The following EIF2AK4 variants were observed in gnomAD, a reference collection of about 807,000 sequenced individuals.
The protein encoded by EIF2AK4 is eukaryotic translation initiation factor 2 alpha kinase 4.
A neutral mutation model predicts 211.1 loss-of-function variants in EIF2AK4; 139 were observed. The ratio of observed to expected loss-of-function variants is 0.66; its 90% CI spans 0.57 to 0.76. The LOEUF (loss-of-function observed/expected upper bound fraction) is 0.76. Ranked by LOEUF, EIF2AK4 falls within the 30% of genes least tolerant of loss-of-function variation. The probability of loss-of-function intolerance (pLI) is 0.00; values close to 1 mark genes in which losing one functional copy is unlikely to be tolerated. For synonymous variants in EIF2AK4, 710 were observed against 751.3 expected, an observed-to-expected ratio of 0.94 and a Z score of 0.90; for missense variants, 1,664 against 2,043.8, an observed-to-expected ratio of 0.81 and a Z score of 3.58.
chr15:40,026,674 A>T (rs1028219946), intron 33 of EIF2AK4, among the ~76,000 whole-genome samples: 4 of 152,150 alleles, frequency 2.6e-5, no homozygotes, highest in African/African-American at 7.2e-5. Flanking sequence ...AGGAGCCAAA[A>T]TCTATCTGTC....
At chr15:39,999,148 T>G (rs186250485) in intron 20 of EIF2AK4, among the ~76,000 whole-genome samples, 39 of 152,262 alleles carry the variant, frequency 2.6e-4, no homozygotes, top group Non-Finnish European at 5.3e-4. Flanking sequence ...AAACTGTAAT[T>G]TTGTTCTGTT....
chr15:40,022,181 C>CGTGTGTGTGTGT (rs142104639), intron 31 of EIF2AK4: 21,514 of 137,446 alleles, frequency 0.16, 2,016 homozygotes, highest in East Asian at 0.23. Context: ...GCTTTTTCAG[C>CGTGTGTGTGTGT]GTGTGTGTGT....
chr15:39,958,397 C>T (rs1228617076), intron 6 of EIF2AK4, among the ~76,000 whole-genome samples: 2 of 152,084 alleles, frequency 1.3e-5, no homozygotes, highest in Non-Finnish European at 2.9e-5. Context: ...TTTGTTTTCC[C>T]TATTCTAAAG....
chr15:39,968,789 T>C (rs567093936), intron 9 of EIF2AK4, among the ~76,000 whole-genome samples: 1 of 152,156 alleles, frequency 6.6e-6, no homozygotes, highest in Non-Finnish European at 1.5e-5. Context: ...TACATTGTTA[T>C]GCTCTGTCAC....
intron 27 of EIF2AK4, 88 bp downstream of exon 27, chr15:40,011,434 A>G (rs1203899327): frequency 4.3e-6 from 5 of 1,162,302 alleles, no homozygotes; most frequent in Middle Eastern, 4.5e-4. Context: ...GCAGTAGGGT[A>G]GCAGCCAGCG....
chr15:39,945,769 G>T (rs1020109391), intron 3 of EIF2AK4, among the ~76,000 whole-genome samples: 2 of 152,160 alleles, frequency 1.3e-5, no homozygotes, highest in African/African-American at 2.4e-5. Flanking sequence ...TAATACAGCT[G>T]CTGACTTTTC....
At chr15:39,958,412 G>A (rs1450408662) in intron 6 of EIF2AK4, among the ~76,000 whole-genome samples, 1 of 152,134 alleles carries the variant, frequency 6.6e-6, no homozygotes, top group Non-Finnish European at 1.5e-5. Context: ...CTAAAGCCAG[G>A]TATGGTAACT....
At chr15:40,034,947 A>T in intron 38 of EIF2AK4, 80 bp from the exon 39 acceptor site, 2 of 1,107,234 alleles carry the variant, frequency 1.8e-6, no homozygotes, top group South Asian at 3.3e-5. Context: ...AAGCTCCTAC[A>T]GGTGTTATAA....
chr15:39,959,912 C>T (rs1344481588), intron 6 of EIF2AK4, among the ~76,000 whole-genome samples: 2 of 152,138 alleles, frequency 1.3e-5, no homozygotes, highest in East Asian at 3.9e-4. Context: ...GCCTGTAATC[C>T]CAGCACTTTG....
intron 13 of EIF2AK4, 140 bp from the exon 14 acceptor site, chr15:39,985,665 G>A (rs993159024): frequency 3.0e-6 from 2 of 676,734 alleles, no homozygotes; most frequent in Admixed American, 4.7e-5. Context: ...AAGGATAGTG[G>A]TTATGTTCTG....
chr15:39,965,225 G>A (rs768191975), intron 7 of EIF2AK4, among the ~76,000 whole-genome samples: 9 of 152,112 alleles, frequency 5.9e-5, no homozygotes, highest in Non-Finnish European at 4.4e-5. Flanking sequence ...AGGTTCAAGC[G>A]ATTCTCCTGC....
Position 39,961,953 on chromosome 15 carries a change from C to T in EIF2AK4, c.859+54C>T, listed in dbSNP as rs913723967. On this transcript the variant is annotated intron_variant, in intron 7 of 38. Coordinates refer to ENST00000263791, the MANE Select transcript of EIF2AK4 (RefSeq NM_001013703.4). ...TTATTGTAATGGCAAAAGTTAATCA[C>T]AAAGGAATGGGATGGATTAGACACT... is the stretch of plus-strand genomic sequence containing the variant. 23 of 1,410,794 alleles carry T rather than the reference C, an allele frequency of 1.6e-5. 1 individual carries two copies. The highest frequency in any genetic ancestry group is 1.8e-4 in the Middle Eastern group (1 of 5,650). 87.4% of individuals were successfully genotyped at this position (1,410,794 alleles called of 1,614,324 possible). A position where few individuals can be genotyped will look rare whatever the true frequency, so the allele number is the denominator to read the frequency against.
intron 3 of EIF2AK4, among the ~76,000 whole-genome samples, chr15:39,944,573 A>G (rs996738146): frequency 1.3e-5 from 2 of 151,680 alleles, no homozygotes; most frequent in Non-Finnish European, 2.9e-5. Flanking sequence ...CTGGGACTAC[A>G]GGCACCCACC....
At chr15:40,031,591 A>G (rs1488768461) in intron 35 of EIF2AK4, among the ~76,000 whole-genome samples, 2 of 152,146 alleles carry the variant, frequency 1.3e-5, no homozygotes, top group African/African-American at 2.4e-5. Flanking sequence ...CTACGCCTTT[A>G]TAAGGAATCA....
At chr15:39,992,623 G>A in intron 17 of EIF2AK4, 146 bp from the exon 18 acceptor site, 3 of 662,648 alleles carry the variant, frequency 4.5e-6, no homozygotes, top group Non-Finnish European at 2.7e-6. Flanking sequence ...TTATTCATTT[G>A]GTACAATGCA....
At chr15:39,984,968 A>G (rs1011283761) in intron 13 of EIF2AK4, among the ~76,000 whole-genome samples, 2 of 152,202 alleles carry the variant, frequency 1.3e-5, no homozygotes, top group Non-Finnish European at 2.9e-5. Context: ...TGCCCATTCC[A>G]TATGATACTG....
intron 13 of EIF2AK4, among the ~76,000 whole-genome samples, chr15:39,984,821 T>C (rs375107768): frequency 2.9e-4 from 44 of 152,356 alleles, no homozygotes; most frequent in African/African-American, 1.1e-3. Flanking sequence ...ACTTCCTCTC[T>C]TTCTATTTTA....
chr15:39,996,820 G>A (rs2035024221), intron 18 of EIF2AK4, 144 bp from the exon 19 acceptor site: 1 of 585,978 alleles, frequency 1.7e-6, no homozygotes, highest in Non-Finnish European at 3.1e-6. Flanking sequence ...TAATTTTTAA[G>A]AACAAATCTT....
chr15:39,934,139 T>C lies in EIF2AK4; in HGVS notation c.-57T>C, dbSNP rs934141801. The C allele has an allele frequency of 8.1e-7, 1 of 1,237,684 alleles. No homozygotes were observed. The highest frequency in any genetic ancestry group is 1.0e-6 in the Non-Finnish European group (1 of 994,572). 76.7% of individuals were successfully genotyped at this position (1,237,684 alleles called of 1,614,324 possible). The stretch of plus-strand genomic sequence containing the variant: ...CAGCGCGGAGCCCCGCCCCGCAGGC[T>C]GCCGGGGGCCCACCGCCGCCCAGGC... On this transcript the variant is annotated 5_prime_UTR_variant, in exon 1 of 39. Coordinates refer to ENST00000263791, the MANE Select transcript of EIF2AK4 (RefSeq NM_001013703.4).
Sources: allele counts gnomAD v4.1 joint callset (sites outside exome capture counted in the v4.1 genomes callset), GRCh38; gene constraint gnomAD v4.1.1; transcripts MANE v1.5; gene names NCBI Gene and HGNC (gene_info 2026-07-23, HGNC 2026-07-21).